DNAJC13: variants seen among roughly 807,000 people sequenced by gnomAD.
DNAJC13 encodes the protein dnaJ homolog subfamily C member 13.
DNAJC13 carries 75 observed loss-of-function variants against 290.5 expected under a neutral mutation model. The observed-to-expected ratio is 0.26, with a 90% CI of 0.21 to 0.31. DNAJC13 has a LOEUF of 0.31. Among genes scored for constraint, DNAJC13 ranks in the 10% least tolerant of loss-of-function variants. The pLI, the probability that DNAJC13 is intolerant of heterozygous loss-of-function variation, is 1.00. For synonymous variants in DNAJC13, 862 were observed against 892.0 expected, an observed-to-expected ratio of 0.97 and a Z score of 0.60; for missense variants, 2,260 against 2,674.5, an observed-to-expected ratio of 0.85 and a Z score of 3.42.
At chr3:132,491,644 T>A (rs1212102899) in intron 32 of DNAJC13, among the ~76,000 whole-genome samples, 2 of 152,128 alleles carry the variant, frequency 1.3e-5, no homozygotes, top group Non-Finnish European at 2.9e-5. Context: ...GCCCAGCCAG[T>A]TTCTGTTCAG....
In DNAJC13 at chr3:132,523,680, A is replaced by G; in HGVS notation, c.6027A>G (p.Lys2009=). Reference sequence around the variant, plus strand: ...AATTTCTTATTGCCCTGTTAGAAAAATTAACTGAGCTCCTAGAGAAGAACA... The same window carrying G: ...AATTTCTTATTGCCCTGTTAGAAAAGTTAACTGAGCTCCTAGAGAAGAACA... ...PREFLIALLE[K]LTELLEKNNP... is the part of the protein sequence containing the mutation. Residue 2009 remains lysine, a synonymous_variant, in exon 51 of 56, where the codon AAA becomes AAG. Transcript: ENST00000260818. 1 of 1,614,030 alleles carries G rather than the reference A, an allele frequency of 6.2e-7. No individual in the cohort carries two copies. Among genetic ancestry groups the G allele is most frequent in the Non-Finnish European group, 8.5e-7 (1 of 1,179,948 alleles).
intron 16 of DNAJC13, 126 bp from the exon 17 acceptor site, chr3:132,463,570 C>A: frequency 9.6e-7 from 1 of 1,046,036 alleles, no homozygotes; most frequent in African/African-American, 1.6e-5. Context: ...TTAGAAGATG[C>A]ATTTTAAAAA....
intron 53 of DNAJC13, 113 bp downstream of exon 53, chr3:132,526,394 T>A: frequency 8.0e-7 from 1 of 1,249,744 alleles, no homozygotes; most frequent in South Asian, 1.4e-5. Context: ...GAGAGTTAAC[T>A]TGTGAGTTTG....
chr3:132,501,732 G>C (rs1935423347), intron 39 of DNAJC13, among the ~76,000 whole-genome samples: 1 of 152,104 alleles, frequency 6.6e-6, no homozygotes, highest in African/African-American at 2.4e-5. Context: ...TAGATGACTG[G>C]GAGGGAGAGA....
At chr3:132,449,083 A>T (rs1285913508) in intron 5 of DNAJC13, among the ~76,000 whole-genome samples, 1 of 152,110 alleles carries the variant, frequency 6.6e-6, no homozygotes, top group Non-Finnish European at 1.5e-5. Context: ...TGCCCAAAGG[A>T]TAGTTTACCT....
At chr3:132,537,039 A>G in intron 55 of DNAJC13, 1 of 444,256 alleles carries the variant, frequency 2.3e-6, no homozygotes, top group Non-Finnish European at 4.5e-6. Flanking sequence ...AACAAGATGA[A>G]TCTGAATGGT....
chr3:132,522,044 G>A (rs143427166), intron 48 of DNAJC13, among the ~76,000 whole-genome samples: 163 of 152,216 alleles, frequency 1.1e-3, no homozygotes, highest in African/African-American at 3.7e-3. Context: ...TGTTTCTTTC[G>A]TGTGCTGACT....
At chr3:132,471,853 G>A (rs1576481374) in intron 20 of DNAJC13, among the ~76,000 whole-genome samples, 1 of 147,312 alleles carries the variant, frequency 6.8e-6, no homozygotes, top group Admixed American at 6.9e-5. Flanking sequence ...TGGCGGCCGG[G>A]CAGAGGCTGC....
intron 36 of DNAJC13, among the ~76,000 whole-genome samples, chr3:132,498,251 A>T (rs772078546): frequency 1.3e-5 from 2 of 151,426 alleles, no homozygotes; most frequent in Non-Finnish European, 2.9e-5. Flanking sequence ...TAACTGGTAA[A>T]ATAGATACCA....
intron 18 of DNAJC13, 81 bp downstream of exon 18, chr3:132,466,151 GGTTT>G (rs1933972279): frequency 2.1e-6 from 3 of 1,432,614 alleles, no homozygotes; most frequent in Non-Finnish European, 2.9e-6. Flanking sequence ...AAAAGGGGAT[GGTTT>G]GTTTTTTATT....
chr3:132,502,393 C>T lies in DNAJC13; in HGVS notation c.4641C>T (p.Leu1547=), dbSNP rs757116571. 6.2e-7 allele frequency: 1 copy of T among 1,613,822 alleles called. No homozygotes were observed. The highest frequency in any genetic ancestry group is 1.3e-5 in the African/African-American group (1 of 74,838). Residue 1547 remains leucine, a synonymous_variant, in exon 40 of 56, where the codon CTC becomes CTT. Transcript: ENST00000260818. ...HLFQAGILWY[L]LGFLFNYDYT... ...TTCAGGCTGGAATTTTGTGGTATCTCCTTGGTTTTCTGTTTAATTATGACT... is the reference window on the plus strand; with the variant it reads ...TTCAGGCTGGAATTTTGTGGTATCTTCTTGGTTTTCTGTTTAATTATGACT...
In DNAJC13 at chr3:132,504,573, A is replaced by C. The variant is rs149469144; in HGVS notation, c.4885-729A>C. On this transcript the variant is annotated intron_variant, in intron 41 of 55. Coordinates refer to ENST00000260818, the MANE Select transcript of DNAJC13 (RefSeq NM_015268.4). ...CCAACTGGATTCAATAAAATGCTTA[A>C]CTAGAAGTTAGCCTTTTGAAAACAA... 4.6e-5 allele frequency among the ~76,000 whole-genome samples: 7 copies of C among 152,314 alleles called. No homozygotes were observed. The East Asian group carries it at 1.4e-3, about 29-fold the overall frequency.
chr3:132,525,263 C>G (rs985114495), intron 51 of DNAJC13, among the ~76,000 whole-genome samples: 1 of 152,142 alleles, frequency 6.6e-6, no homozygotes, highest in African/African-American at 2.4e-5. Flanking sequence ...TTGCTTGAAC[C>G]TGGGAGGCAG....
At chr3:132,427,158 G>T (rs1239690858) in intron 1 of DNAJC13, among the ~76,000 whole-genome samples, 9 of 146,808 alleles carry the variant, frequency 6.1e-5, no homozygotes, top group Non-Finnish European at 1.0e-4. Flanking sequence ...TTGAGACAGG[G>T]TCTGACTCTG....
At chr3:132,445,553 T>A (rs1933218429) in intron 2 of DNAJC13, among the ~76,000 whole-genome samples, 1 of 152,094 alleles carries the variant, frequency 6.6e-6, no homozygotes, top group Non-Finnish European at 1.5e-5. Context: ...TTCTTCTGTC[T>A]TGAAATCATT....
chr3:132,506,036 G>A (rs1388173515), intron 42 of DNAJC13, among the ~76,000 whole-genome samples: 3 of 107,092 alleles, frequency 2.8e-5, no homozygotes, highest in African/African-American at 1.1e-4. Flanking sequence ...TTACATGTCT[G>A]TACATTATCT....
At chr3:132,510,160 A>T (rs1018506424) in intron 43 of DNAJC13, among the ~76,000 whole-genome samples, 7 of 152,206 alleles carry the variant, frequency 4.6e-5, no homozygotes, top group African/African-American at 1.7e-4. Flanking sequence ...TCATGGACGT[A>T]CAAGGCCAGT....
chr3:132,428,015 C>T (rs1299572257), intron 1 of DNAJC13, among the ~76,000 whole-genome samples: 4 of 152,150 alleles, frequency 2.6e-5, no homozygotes, highest in African/African-American at 9.7e-5. Context: ...TTGTGCTAGT[C>T]TCTAGTTAAC....
intron 2 of DNAJC13, 30 bp from the exon 3 acceptor site, chr3:132,446,445 C>A: frequency 6.5e-7 from 1 of 1,540,428 alleles, no homozygotes; most frequent in Non-Finnish European, 8.9e-7. Flanking sequence ...TTGTTTAAAA[C>A]TAAATTTAAG....
Sources: gnomAD v4.1 joint callset for allele counts (sites outside exome capture counted in the v4.1 genomes callset) on GRCh38, gnomAD v4.1.1 for gene constraint, MANE v1.5 for transcripts, NCBI Gene and HGNC (gene_info 2026-07-23, HGNC 2026-07-21) for gene names.